Variants in CHST11 observed in about 807,000 individuals in gnomAD.
The protein encoded by CHST11 is carbohydrate sulfotransferase 11.
In CHST11, 9 loss-of-function variants were observed where a neutral mutation model predicts 30.4. The observed-to-expected ratio is 0.30, with a 90% CI of 0.18 to 0.52. The LOEUF is 0.52. Among genes scored for constraint, CHST11 ranks in the 20% least tolerant of loss-of-function variants. The pLI, the probability that CHST11 is intolerant of heterozygous loss-of-function variation, is 0.97. For missense variants in CHST11, 348 were observed against 460.6 expected (o/e 0.76, Z 2.24); for synonymous variants, 152 against 187.8 (o/e 0.81, Z 1.56).
intron 1 of CHST11, among the ~76,000 whole-genome samples, chr12:104,475,475 G>C (rs1323973752): frequency 1.3e-5 from 2 of 151,684 alleles, no homozygotes; most frequent in South Asian, 4.2e-4. Context: ...AATGGCTACT[G>C]TTTGTGCCAG....
intron 1 of CHST11, among the ~76,000 whole-genome samples, chr12:104,473,320 T>C (rs1041678115): frequency 2.0e-5 from 3 of 152,174 alleles, no homozygotes; most frequent in Admixed American, 1.3e-4. Context: ...GCCAAAATTA[T>C]AGGCCATGGA....
At chr12:104,672,985 G>A (rs1377411510) in intron 2 of CHST11, among the ~76,000 whole-genome samples, 2 of 152,196 alleles carry the variant, frequency 1.3e-5, no homozygotes, top group Admixed American at 1.3e-4. Flanking sequence ...GAGGCCAGAA[G>A]TCCAAAATCA....
chr12:104,636,388 C>T (rs2136071384), intron 2 of CHST11, among the ~76,000 whole-genome samples: 1 of 152,338 alleles, frequency 6.6e-6, no homozygotes, highest in Non-Finnish European at 1.5e-5. Context: ...TAAGGCTCAA[C>T]TGTTTATACA....
At chr12:104,505,931 A>C (rs926010095) in intron 1 of CHST11, among the ~76,000 whole-genome samples, 24 of 152,336 alleles carry the variant, frequency 1.6e-4, no homozygotes, top group Middle Eastern at 3.4e-3. Context: ...GATTACTAGC[A>C]TTGTTTTTAC....
At chr12:104,669,673 C>T (rs1270363732) in intron 2 of CHST11, among the ~76,000 whole-genome samples, 3 of 152,198 alleles carry the variant, frequency 2.0e-5, no homozygotes, top group Non-Finnish European at 4.4e-5. Context: ...CAGGCTGACC[C>T]AAGGTCAAGC....
chr12:104,566,935 C>G (rs2038573011), intron 1 of CHST11, among the ~76,000 whole-genome samples: 1 of 151,964 alleles, frequency 6.6e-6, no homozygotes, highest in Non-Finnish European at 1.5e-5. Flanking sequence ...ACTTAAGTAT[C>G]TAGTGTAAGG....
At chr12:104,673,524 G>A (rs2039714842) in intron 2 of CHST11, among the ~76,000 whole-genome samples, 1 of 152,150 alleles carries the variant, frequency 6.6e-6, no homozygotes, top group Non-Finnish European at 1.5e-5. Flanking sequence ...GGTTTGTTAT[G>A]AGCATTAAAT....
At chr12:104,720,003 A>G (rs2040161039) in intron 2 of CHST11, among the ~76,000 whole-genome samples, 1 of 152,244 alleles carries the variant, frequency 6.6e-6, no homozygotes, top group African/African-American at 2.4e-5. Context: ...CTCCAGACTA[A>G]CGCTGGTGTC....
At chr12:104,527,100 T>C (rs185816013) in intron 1 of CHST11, among the ~76,000 whole-genome samples, 2 of 152,310 alleles carry the variant, frequency 1.3e-5, no homozygotes, top group Non-Finnish European at 2.9e-5. Context: ...TAACCCCCAA[T>C]GCCTCAGAAT....
Position 104,590,557 on chromosome 12 carries a change from C to T in CHST11, c.119-11349C>T, listed in dbSNP as rs1704900. 4.3e-3 allele frequency among the ~76,000 whole-genome samples: 647 copies of T among 152,212 alleles called. 31 individuals are homozygous for T. In the East Asian group the frequency reaches 0.11, roughly 25 times the overall value. On this transcript the variant is annotated intron_variant, in intron 1 of 2. Coordinates refer to ENST00000303694, the MANE Select transcript of CHST11 (RefSeq NM_018413.6). The stretch of plus-strand genomic sequence containing the variant: ...CTTTTGCTCATGAAACTTAGGGTCT[C>T]GTGGTGGCAACAGACAACAGCCAAT...
At chr12:104,620,266 G>A (rs992662727) in intron 2 of CHST11, among the ~76,000 whole-genome samples, 5 of 152,046 alleles carry the variant, frequency 3.3e-5, no homozygotes, top group African/African-American at 1.2e-4. Context: ...TCTCAGCCTC[G>A]GCTCTCCATA....
At chr12:104,598,159 G>A (rs1433712771) in intron 1 of CHST11, among the ~76,000 whole-genome samples, 1 of 152,208 alleles carries the variant, frequency 6.6e-6, no homozygotes, top group Admixed American at 6.5e-5. Context: ...CATGTGAGGT[G>A]AATATACTCA....
chr12:104,741,338 C>G (rs1202549826), intron 2 of CHST11, among the ~76,000 whole-genome samples: 1 of 152,196 alleles, frequency 6.6e-6, no homozygotes, highest in Non-Finnish European at 1.5e-5. Flanking sequence ...AGCTCCACCT[C>G]TCTCTTGGGG....
At chr12:104,522,786 C>T (rs1012302025) in intron 1 of CHST11, among the ~76,000 whole-genome samples, 4 of 152,062 alleles carry the variant, frequency 2.6e-5, no homozygotes, top group African/African-American at 9.7e-5. Context: ...CTGGTCCTAT[C>T]GCATCATTCT....
chr12:104,556,666 G>A (rs1241331958), intron 1 of CHST11, among the ~76,000 whole-genome samples: 1 of 152,120 alleles, frequency 6.6e-6, no homozygotes, highest in African/African-American at 2.4e-5. Flanking sequence ...TTCCTTCCAT[G>A]TGTGTCTCTG....
At chr12:104,486,004 A>G (rs146473563) in intron 1 of CHST11, among the ~76,000 whole-genome samples, 146 of 152,190 alleles carry the variant, frequency 9.6e-4, no homozygotes, top group African/African-American at 3.4e-3. Context: ...GTGTGTGGGC[A>G]TGTGTGTGCA....
rs1163539263 is a variant in CHST11, at chr12:104,600,890, T to TCTTCCCTC, written c.119-1010_119-1003dup. 6.8e-6 allele frequency among the ~76,000 whole-genome samples: 1 copy of TCTTCCCTC among 146,198 alleles called. No individual in the cohort carries two copies. The highest frequency in any genetic ancestry group is 2.5e-5 in the African/African-American group (1 of 39,738). On this transcript the variant is annotated intron_variant, in intron 1 of 2. Coordinates refer to ENST00000303694, the MANE Select transcript of CHST11 (RefSeq NM_018413.6). This position sits in a 1 kb window ranked among gnomAD's most constrained non-coding sequence, Gnocchi z 4.1. ...TCTTTCCTTTCTTCCTTCCCTCCCT[T>TCTTCCCTC]CTTCCCTCCTTCCTCCTTCTCGGCT... is the stretch of plus-strand genomic sequence containing the variant.
chr12:104,485,440 G>A (rs552710982), intron 1 of CHST11, among the ~76,000 whole-genome samples: 1 of 152,360 alleles, frequency 6.6e-6, no homozygotes, highest in South Asian at 2.1e-4. Flanking sequence ...CACAGCTGCA[G>A]GGAGCGGGGC....
In CHST11 at chr12:104,761,587, C is replaced by A. The variant is rs1169477589; in HGVS notation, c.*3784C>A. On this transcript the variant is annotated 3_prime_UTR_variant, in exon 3 of 3. Coordinates refer to ENST00000303694, the MANE Select transcript of CHST11 (RefSeq NM_018413.6). ...TGTCAGCAGGACTGACCACATCACT[C>A]CCCCGAGTTCCCACCACCAGCATTT... The A allele has an allele frequency of 6.6e-6, 1 of 152,462 alleles. No individual in the cohort carries two copies. The highest frequency in any genetic ancestry group is 1.5e-5 in the Non-Finnish European group (1 of 68,254). 9.4% of individuals were successfully genotyped at this position (152,462 alleles called of 1,614,324 possible). A position where few individuals can be genotyped will look rare whatever the true frequency, so the allele number is the denominator to read the frequency against.
Sources: gnomAD v4.1 joint callset for allele counts (sites outside exome capture counted in the v4.1 genomes callset) on GRCh38, gnomAD v4.1.1 for gene constraint, Gnocchi (gnomAD v3.1) non-coding constraint, MANE v1.5 for transcripts, NCBI Gene and HGNC (gene_info 2026-07-23, HGNC 2026-07-21) for gene names.